VWC2: variants seen among roughly 807,000 people sequenced by gnomAD.
The protein encoded by VWC2 is brorin.
A neutral mutation model predicts 29.8 loss-of-function variants in VWC2; 14 were observed. That is an observed-to-expected ratio of 0.47 (90% CI 0.31 to 0.74). The LOEUF is 0.74. Ranked by LOEUF, VWC2 falls within the 30% of genes least tolerant of loss-of-function variation. VWC2 has a pLI of 0.05. For synonymous variants in VWC2, 213 were observed against 199.0 expected, an observed-to-expected ratio of 1.07 and a Z score of -0.59; for missense variants, 457 against 459.8, an observed-to-expected ratio of 0.99 and a Z score of 0.05.
intron 3 of VWC2, among the ~76,000 whole-genome samples, chr7:49,879,789 A>G (rs1459381129): frequency 6.6e-6 from 1 of 152,022 alleles, no homozygotes. Flanking sequence ...TTTTATTCTT[A>G]TAATTTTAGG....
At chr7:49,849,570 A>G (rs1414853754) in intron 3 of VWC2, among the ~76,000 whole-genome samples, 1 of 152,174 alleles carries the variant, frequency 6.6e-6, no homozygotes, top group Non-Finnish European at 1.5e-5. Context: ...ACACACACAC[A>G]CGCTGCCTCT....
intron 3 of VWC2, among the ~76,000 whole-genome samples, chr7:49,889,725 A>G (rs1792050864): frequency 6.6e-6 from 1 of 152,228 alleles, no homozygotes; most frequent in African/African-American, 2.4e-5. Flanking sequence ...TACTGGAAGA[A>G]AAAAGAACTT....
intron 3 of VWC2, among the ~76,000 whole-genome samples, chr7:49,895,374 A>AATATT (rs1792332500): frequency 1.3e-5 from 2 of 152,206 alleles, no homozygotes; most frequent in Non-Finnish European, 2.9e-5. Flanking sequence ...CCAGGGGGAC[A>AATATT]CCAATATTCA....
chr7:49,826,466 C>G (rs921926999), intron 3 of VWC2, among the ~76,000 whole-genome samples: 1 of 152,134 alleles, frequency 6.6e-6, no homozygotes, highest in African/African-American at 2.4e-5. Flanking sequence ...AATTTTCAGT[C>G]AAGAACCTGT....
At chr7:49,892,364 G>A (rs537771951) in intron 3 of VWC2, among the ~76,000 whole-genome samples, 1 of 152,122 alleles carries the variant, frequency 6.6e-6, no homozygotes, top group Non-Finnish European at 1.5e-5. Context: ...TAGATTTTAA[G>A]GCAAGAAACA....
chr7:49,804,714 T>C (rs978150942), intron 3 of VWC2, among the ~76,000 whole-genome samples: 3 of 152,194 alleles, frequency 2.0e-5, no homozygotes, highest in African/African-American at 7.2e-5. Flanking sequence ...TGAACAATTG[T>C]ATACCTTTAG....
intron 3 of VWC2, among the ~76,000 whole-genome samples, chr7:49,862,017 G>T (rs189899825): frequency 6.6e-6 from 1 of 152,136 alleles, no homozygotes; most frequent in South Asian, 2.1e-4. Flanking sequence ...CATAAAAAAT[G>T]GTTGTTGGAA....
In VWC2 at chr7:49,918,426, T is replaced by G. The variant is rs1230358974; in HGVS notation, c.*6241T>G. The G allele has an allele frequency of 6.6e-6, 1 of 152,186 alleles. No individual in the cohort carries two copies. The highest frequency in any genetic ancestry group is 2.4e-5 in the African/African-American group (1 of 41,458). 9.4% of individuals were successfully genotyped at this position (152,186 alleles called of 1,614,324 possible). ...CTGATCCCTAATTCTAGAATATCAA[T>G]CTTGATACTTGTCAAAGTAAATAGT... is the stretch of plus-strand genomic sequence containing the variant. On this transcript the variant is annotated 3_prime_UTR_variant, in exon 4 of 4. Coordinates refer to ENST00000340652, the MANE Select transcript of VWC2 (RefSeq NM_198570.5).
chr7:49,858,428 G>A (rs146067815), intron 3 of VWC2, among the ~76,000 whole-genome samples: 2 of 151,770 alleles, frequency 1.3e-5, no homozygotes, highest in African/African-American at 4.8e-5. Context: ...AGCTGAAAAC[G>A]ATCATTCTCA....
chr7:49,829,031 C>A (rs1317503555), intron 3 of VWC2, among the ~76,000 whole-genome samples: 1 of 152,222 alleles, frequency 6.6e-6, no homozygotes, highest in Admixed American at 6.5e-5. Flanking sequence ...CTCTCTCTGC[C>A]TCATGGCTAA....
chr7:49,904,485 G>C (rs1792969010), intron 3 of VWC2, among the ~76,000 whole-genome samples: 2 of 152,158 alleles, frequency 1.3e-5, no homozygotes, highest in African/African-American at 4.8e-5. Flanking sequence ...CATGTTTAGA[G>C]GGACTTGGTT....
chr7:49,899,614 A>G (rs1792598398), intron 3 of VWC2, among the ~76,000 whole-genome samples: 1 of 152,050 alleles, frequency 6.6e-6, no homozygotes, highest in East Asian at 1.9e-4. Context: ...TCAATTATTC[A>G]AGAAGACACA....
At chr7:49,783,779 G>T (rs1788230636) in intron 2 of VWC2, among the ~76,000 whole-genome samples, 1 of 152,204 alleles carries the variant, frequency 6.6e-6, no homozygotes. Context: ...GCCAGGCACA[G>T]TGGCTCATGC....
At chr7:49,802,033 C>G (rs1423105597) in intron 2 of VWC2, among the ~76,000 whole-genome samples, 1 of 152,196 alleles carries the variant, frequency 6.6e-6, no homozygotes, top group Non-Finnish European at 1.5e-5. Flanking sequence ...AAGGGATTCA[C>G]CTACGTGGTG....
At chr7:49,818,326 G>T (rs920443311) in intron 3 of VWC2, among the ~76,000 whole-genome samples, 1 of 152,190 alleles carries the variant, frequency 6.6e-6, no homozygotes, top group African/African-American at 2.4e-5. Context: ...ATGCATAAAT[G>T]TCTCAGACAT....
chr7:49,793,101 A>C (rs887987448), intron 2 of VWC2, among the ~76,000 whole-genome samples: 11 of 152,226 alleles, frequency 7.2e-5, no homozygotes, highest in African/African-American at 2.7e-4. Flanking sequence ...AGCCCAGTAA[A>C]GCATCACTAA....
intron 2 of VWC2, among the ~76,000 whole-genome samples, chr7:49,790,611 G>A (rs1175189642): frequency 1.3e-5 from 2 of 152,068 alleles, no homozygotes; most frequent in East Asian, 3.9e-4. Flanking sequence ...GGAGAAAGTA[G>A]AGAGGGGCAG....
intron 3 of VWC2, among the ~76,000 whole-genome samples, chr7:49,846,715 A>G (rs1789956747): frequency 6.6e-6 from 1 of 152,188 alleles, no homozygotes; most frequent in Non-Finnish European, 1.5e-5. Flanking sequence ...AAGAGCAGAT[A>G]ATGCTTAACT....
At chr7:49,857,531 G>T (rs775084014) in intron 3 of VWC2, among the ~76,000 whole-genome samples, 1 of 152,118 alleles carries the variant, frequency 6.6e-6, no homozygotes, top group African/African-American at 2.4e-5. Context: ...ACAGATGGCC[G>T]ACAGGTAGAA....
Sources: gnomAD v4.1 joint callset for allele counts (sites outside exome capture counted in the v4.1 genomes callset) on GRCh38, gnomAD v4.1.1 for gene constraint, MANE v1.5 for transcripts, NCBI Gene and HGNC (gene_info 2026-07-23, HGNC 2026-07-21) for gene names.